The following CLYBL variants were observed in gnomAD, a reference collection of about 807,000 sequenced individuals.
The protein encoded by CLYBL is citramalyl-CoA lyase, mitochondrial.
CLYBL carries 31 observed loss-of-function variants against 38.9 expected under a neutral mutation model. That is an observed-to-expected ratio of 0.80 (90% CI 0.60 to 1.08). The LOEUF (loss-of-function observed/expected upper bound fraction) is 1.08. Ranked by LOEUF, CLYBL falls within the 50% of genes least tolerant of loss-of-function variation. CLYBL has a pLI of 0.00. For synonymous variants in CLYBL, 171 were observed against 158.6 expected (o/e 1.08, Z -0.59); for missense variants, 434 against 411.6 (o/e 1.05, Z -0.47).
At chr13:99,724,696 A>T (rs2048444270) in intron 1 of CLYBL, among the ~76,000 whole-genome samples, 1 of 152,168 alleles carries the variant, frequency 6.6e-6, no homozygotes, top group East Asian at 1.9e-4. Context: ...AGCAGAACGC[A>T]CCGAGTTACA....
intron 1 of CLYBL, among the ~76,000 whole-genome samples, chr13:99,755,855 A>T (rs1486068168): frequency 6.6e-6 from 1 of 152,014 alleles, no homozygotes; most frequent in Non-Finnish European, 1.5e-5. Flanking sequence ...GCCCTGTCTC[A>T]TTACTTGGGC....
rs572058696 is a variant in CLYBL, at chr13:99,863,035, A to C, written c.483A>C (p.Glu161Asp). The change falls in exon 4 of 9, where the codon GAA (glutamate) becomes GAC (aspartate). Residue 161 changes from glutamate (E) to aspartate (D), a missense_variant. Physicochemically the swap from Glu to Asp is conservative, Grantham distance 45. Coordinates refer to ENST00000339105, the MANE Select transcript of CLYBL (RefSeq NM_206808.5). Reference sequence around the variant, plus strand: ...TCCACTTAAAAGGCCGAAAACTTGAACAACCAATGAATTTAATCCCTTTTG... The same window carrying C: ...TCCACTTAAAAGGCCGAAAACTTGACCAACCAATGAATTTAATCCCTTTTG... ...FSFHLKGRKL[E>D]QPMNLIPFVE... 6.2e-7 allele frequency: 1 copy of C among 1,611,674 alleles called. No individual in the cohort carries two copies. Among genetic ancestry groups the C allele is most frequent in the Non-Finnish European group, 8.5e-7 (1 of 1,179,056 alleles).
At chr13:99,830,690 A>T (rs2050787181) in intron 2 of CLYBL, among the ~76,000 whole-genome samples, 1 of 152,146 alleles carries the variant, frequency 6.6e-6, no homozygotes. Flanking sequence ...CTCTTAAGGG[A>T]TGTAGAGAGG....
At position 99,839,175 on chromosome 13, in the gene CLYBL, C is replaced by T. The variant is rs114719680; in HGVS notation, c.250-19686C>T. 2.2e-3 allele frequency among the ~76,000 whole-genome samples: 328 copies of T among 152,298 alleles called. 2 individuals are homozygous for T. Among genetic ancestry groups the T allele is most frequent in the African/African-American group, 7.5e-3 (313 of 41,570 alleles). On this transcript the variant is annotated intron_variant, in intron 2 of 8. Transcript: ENST00000339105. ...ATAGCATCTGGAAGAGCAGTGGGAGCGCCTGCTCAGAGTTTAGAAGGGGCA... is the reference window on the plus strand; with the variant it reads ...ATAGCATCTGGAAGAGCAGTGGGAGTGCCTGCTCAGAGTTTAGAAGGGGCA...
At chr13:99,642,149 C>T (rs2047104906) in intron 1 of CLYBL, among the ~76,000 whole-genome samples, 1 of 152,142 alleles carries the variant, frequency 6.6e-6, no homozygotes, top group Non-Finnish European at 1.5e-5. Context: ...CATCTTATGA[C>T]CCCAGCTGTG....
intron 1 of CLYBL, among the ~76,000 whole-genome samples, chr13:99,676,115 C>G (rs1458556999): frequency 6.6e-6 from 1 of 152,194 alleles, no homozygotes; most frequent in Non-Finnish European, 1.5e-5. Flanking sequence ...CTCGGCCTCC[C>G]ATGGTGCTGG....
At chr13:99,712,606 A>G (rs1470006377) in intron 1 of CLYBL, among the ~76,000 whole-genome samples, 1 of 151,860 alleles carries the variant, frequency 6.6e-6, no homozygotes, top group Non-Finnish European at 1.5e-5. Flanking sequence ...CTTGGCCTCC[A>G]AAAGTGCTGG....
At chr13:99,775,456 A>G (rs1394717765) in intron 2 of CLYBL, among the ~76,000 whole-genome samples, 1 of 152,158 alleles carries the variant, frequency 6.6e-6, no homozygotes, top group Non-Finnish European at 1.5e-5. Context: ...ATGCAGCTGG[A>G]CATTGCAATG....
intron 6 of CLYBL, 42 bp downstream of exon 6, chr13:99,866,449 C>T (rs574578229): frequency 1.3e-6 from 2 of 1,572,566 alleles, no homozygotes; most frequent in Admixed American, 3.9e-5. Context: ...AATTAGCAAG[C>T]ATTCCAGAAA....
chr13:99,866,230 C>G lies in CLYBL; in HGVS notation c.635-10C>G. On this transcript the variant is annotated splice_polypyrimidine_tract_variant and intron_variant, in intron 5 of 8. Coordinates refer to ENST00000339105, the MANE Select transcript of CLYBL (RefSeq NM_206808.5). ...AAAGCCTCCTTTTTCTGTTAACATCCCATTTTCAGGTGCAACAAGTAGTAA... is the reference window on the plus strand; with the variant it reads ...AAAGCCTCCTTTTTCTGTTAACATCGCATTTTCAGGTGCAACAAGTAGTAA... 6.2e-7 allele frequency: 1 copy of G among 1,612,472 alleles called. No individual in the cohort carries two copies. Among genetic ancestry groups the G allele is most frequent in the Non-Finnish European group, 8.5e-7 (1 of 1,179,696 alleles).
chr13:99,823,775 C>T (rs779006488), intron 2 of CLYBL, among the ~76,000 whole-genome samples: 12 of 152,146 alleles, frequency 7.9e-5, no homozygotes, highest in South Asian at 2.1e-4. Context: ...CCAACAGAGC[C>T]GTAAAGTGTC....
At chr13:99,709,157 TA>T (rs888593250) in intron 1 of CLYBL, among the ~76,000 whole-genome samples, 8 of 152,050 alleles carry the variant, frequency 5.3e-5, no homozygotes, top group African/African-American at 1.9e-4. Context: ...TTGCTGTCCT[TA>T]AAAAAAGAGA....
intron 9 of CLYBL, among the ~76,000 whole-genome samples, chr13:99,905,764 T>C (rs1260342508): frequency 6.6e-6 from 1 of 150,450 alleles, no homozygotes; most frequent in Non-Finnish European, 1.5e-5. Context: ...GTTGTTGTGG[T>C]GGTGGTTGTG....
chr13:99,652,400 G>A (rs557019584), intron 1 of CLYBL, among the ~76,000 whole-genome samples: 40 of 152,266 alleles, frequency 2.6e-4, no homozygotes, highest in African/African-American at 9.4e-4. Flanking sequence ...TGAGCAAGCA[G>A]GGAAGTTGTC....
intron 1 of CLYBL, among the ~76,000 whole-genome samples, chr13:99,676,200 C>CCTTT (rs2047645229): frequency 1.5e-5 from 1 of 66,612 alleles, no homozygotes; most frequent in Admixed American, 1.5e-4. Context: ...TTCCTTCCTT[C>CCTTT]CTTCCTTCCT....
intron 3 of CLYBL, among the ~76,000 whole-genome samples, 181 bp downstream of exon 3, chr13:99,859,230 A>C (rs190164369): frequency 3.9e-4 from 59 of 152,378 alleles, no homozygotes; most frequent in African/African-American, 1.4e-3. Context: ...GCCTTTGCCC[A>C]AAGTGTTCTA....
chr13:99,859,117 TG>T (rs2139199834), intron 3 of CLYBL, 68 bp downstream of exon 3: 2 of 1,338,680 alleles, frequency 1.5e-6, no homozygotes, highest in Non-Finnish European at 2.0e-6. Context: ...AGAAGGGATC[TG>T]GGTGCCACAG....
intron 1 of CLYBL, among the ~76,000 whole-genome samples, chr13:99,629,978 C>T (rs1594091258): frequency 6.6e-6 from 1 of 152,150 alleles, no homozygotes; most frequent in Admixed American, 6.5e-5. Context: ...GGTACAGGGC[C>T]TTCAGTTGTG....
intron 1 of CLYBL, among the ~76,000 whole-genome samples, chr13:99,717,284 G>C (rs1202990244): frequency 1.3e-5 from 2 of 151,090 alleles, no homozygotes; most frequent in Non-Finnish European, 3.0e-5. Context: ...AAATTAGCTG[G>C]GTGTGGTGGT....
Sources: gnomAD v4.1 joint callset for allele counts (sites outside exome capture counted in the v4.1 genomes callset) on GRCh38, gnomAD v4.1.1 for gene constraint, MANE v1.5 for transcripts, NCBI Gene and HGNC (gene_info 2026-07-23, HGNC 2026-07-21) for gene names.